The following RAB11FIP3 variants were observed in gnomAD, a reference collection of about 807,000 sequenced individuals.
The protein encoded by RAB11FIP3 is RAB11 family interacting protein 3.
RAB11FIP3 carries 17 observed loss-of-function variants against 77.8 expected under a neutral mutation model. That is an observed-to-expected ratio of 0.22 (90% CI 0.15 to 0.33). The LOEUF is 0.33. RAB11FIP3 is among the 10% of genes least tolerant of loss of function. The probability of loss-of-function intolerance (pLI) is 1.00; values close to 1 mark genes in which losing one functional copy is unlikely to be tolerated. For missense variants in RAB11FIP3, 1,005 were observed against 1,011.2 expected (o/e 0.99, Z 0.08); for synonymous variants, 437 against 448.2 (o/e 0.98, Z 0.31).
At chr16:432,371 G>C (rs1323451710) in intron 1 of RAB11FIP3, among the ~76,000 whole-genome samples, 1 of 151,906 alleles carries the variant, frequency 6.6e-6, no homozygotes, top group Admixed American at 6.6e-5. Context: ...GGGTGAAACT[G>C]TCTCGAAAAA....
chr16:432,621 A>T (rs1488882628), intron 1 of RAB11FIP3, among the ~76,000 whole-genome samples: 2 of 125,532 alleles, frequency 1.6e-5, no homozygotes, highest in African/African-American at 6.4e-5. Flanking sequence ...TGTGTGTGTG[A>T]CAGGGTCTCG....
intron 5 of RAB11FIP3, among the ~76,000 whole-genome samples, chr16:492,078 GC>G (rs1482001040): frequency 5.9e-5 from 9 of 152,228 alleles, no homozygotes; most frequent in African/African-American, 2.2e-4. Context: ...CCTGTCTTGA[GC>G]CTGCCCTGTC....
chr16:494,619 C>A (rs988279107), intron 5 of RAB11FIP3, among the ~76,000 whole-genome samples: 1 of 151,246 alleles, frequency 6.6e-6, no homozygotes, highest in Non-Finnish European at 1.5e-5. Context: ...GAGACTCCAT[C>A]TTAAAAAAAA....
At chr16:496,158 C>T (rs1240168781) in intron 5 of RAB11FIP3, among the ~76,000 whole-genome samples, 2 of 152,108 alleles carry the variant, frequency 1.3e-5, no homozygotes, top group Admixed American at 6.6e-5. Flanking sequence ...CGTGATGGTT[C>T]CCAGGCCCCA....
chr16:474,094 A>G (rs529118552), intron 3 of RAB11FIP3, among the ~76,000 whole-genome samples: 40 of 152,342 alleles, frequency 2.6e-4, no homozygotes, highest in African/African-American at 9.6e-4. Context: ...CTCTTTTAAA[A>G]AACAGCTTGC....
intron 6 of RAB11FIP3, among the ~76,000 whole-genome samples, chr16:501,607 C>T (rs2031526694): frequency 6.7e-6 from 1 of 149,436 alleles, no homozygotes; most frequent in Non-Finnish European, 1.5e-5. Flanking sequence ...AGAGGGTCCC[C>T]CCATTTCACA....
chr16:429,918 A>G (rs900472176), intron 1 of RAB11FIP3, among the ~76,000 whole-genome samples: 18 of 152,172 alleles, frequency 1.2e-4, no homozygotes, highest in Admixed American at 3.3e-4. Flanking sequence ...TAATAGAAGC[A>G]GCTCCTGTTT....
At chr16:468,552 C>T (rs1596238144) in intron 2 of RAB11FIP3, among the ~76,000 whole-genome samples, 1 of 152,098 alleles carries the variant, frequency 6.6e-6, no homozygotes, top group Non-Finnish European at 1.5e-5. Context: ...TTAGCTCCAT[C>T]GTGGCTGCAG....
At position 518,900 on chromosome 16, in the gene RAB11FIP3, C is replaced by G; in HGVS notation, c.1641-43C>G. 1.9e-6 allele frequency: 3 copies of G among 1,603,118 alleles called. No homozygotes were observed. In the South Asian group the frequency reaches 3.3e-5, roughly 18 times the overall value. On this transcript the variant is annotated intron_variant, in intron 9 of 13. Coordinates refer to ENST00000262305, the MANE Select transcript of RAB11FIP3 (RefSeq NM_014700.4). ...ACAGGGCACACTGGCCCTGTAGAGG[C>G]GAGCTTCCTGGAGTGAGTTTCAGCT... is the stretch of plus-strand genomic sequence containing the variant.
chr16:481,273 G>A (rs1194811334), intron 3 of RAB11FIP3, among the ~76,000 whole-genome samples: 1 of 151,954 alleles, frequency 6.6e-6, no homozygotes, highest in East Asian at 1.9e-4. Context: ...CACTTTGGAA[G>A]GCTGAGGTGG....
intron 7 of RAB11FIP3, 49 bp downstream of exon 7, chr16:503,146 A>T: frequency 1.4e-6 from 2 of 1,481,138 alleles, no homozygotes; most frequent in Non-Finnish European, 1.9e-6. Context: ...TTTAGAACAC[A>T]GCCACGCCTA....
rs115808809 is a variant in RAB11FIP3, at chr16:469,968, T to C, written c.809-1327T>C. Among the ~76,000 whole-genome samples, 925 of 152,200 alleles carry C rather than the reference T, an allele frequency of 6.1e-3. 9 individuals carry two copies. Among genetic ancestry groups the C allele is most frequent in the African/African-American group, 0.021 (880 of 41,522 alleles). On this transcript the variant is annotated intron_variant, in intron 2 of 13. Transcript: ENST00000262305. Reference sequence around the variant, plus strand: ...AAGACTACAGGTGTGTCCCACAATGTCCAGCTGATTTTTTTCTTTTCTTTT... The same window carrying C: ...AAGACTACAGGTGTGTCCCACAATGCCCAGCTGATTTTTTTCTTTTCTTTT...
chr16:432,005 C>T (rs1326484788), intron 1 of RAB11FIP3, among the ~76,000 whole-genome samples: 1 of 152,124 alleles, frequency 6.6e-6, no homozygotes, highest in African/African-American at 2.4e-5. Context: ...GATCCGCCCA[C>T]CTCGGCCTCC....
At chr16:518,735 T>G (rs550431848) in intron 9 of RAB11FIP3, among the ~76,000 whole-genome samples, 3 of 150,816 alleles carry the variant, frequency 2.0e-5, no homozygotes, top group Non-Finnish European at 4.4e-5. Context: ...AAGAAAAAAA[T>G]AAAAAAATAA....
intron 5 of RAB11FIP3, among the ~76,000 whole-genome samples, chr16:490,866 T>C (rs1347862415): frequency 6.6e-6 from 1 of 152,206 alleles, no homozygotes; most frequent in Non-Finnish European, 1.5e-5. Flanking sequence ...CCCTGCTTTC[T>C]TCTGGGCACC....
Position 488,910 on chromosome 16 carries a change from A to C in RAB11FIP3, c.1175A>C (p.Asp392Ala). ...ATCGGGGGCGAGGAGCACTTTGAGG[A>C]CTACGGTGAAGGCAGTGAGGCGGAG... ...TVIGGEEHFE[D>A]YGEGSEAELS... Residue 392 changes from aspartate (D) to alanine (A), a missense_variant, in exon 5 of 14, where the codon GAC (aspartate) becomes GCC (alanine). By Grantham distance (126) the Asp-to-Ala change is moderately radical. Transcript: ENST00000262305. The C allele has an allele frequency of 6.2e-7, 1 of 1,613,966 alleles. No individual in the cohort carries two copies. Among genetic ancestry groups the C allele is most frequent in the Non-Finnish European group, 8.5e-7 (1 of 1,179,974 alleles).
chr16:459,782 G>A (rs1436848577), intron 1 of RAB11FIP3, among the ~76,000 whole-genome samples: 3 of 151,380 alleles, frequency 2.0e-5, no homozygotes, highest in Non-Finnish European at 4.4e-5. Flanking sequence ...GACTAATTGA[G>A]CATTTTTTCA....
chr16:488,737 C>T, intron 4 of RAB11FIP3, 114 bp from the exon 5 acceptor site: 1 of 997,842 alleles, frequency 1.0e-6, no homozygotes. Context: ...AAACGTGGCT[C>T]CCAGGACTCA....
chr16:478,315 C>G lies in RAB11FIP3; in HGVS notation c.904-4210C>G, dbSNP rs372427395. On this transcript the variant is annotated intron_variant, in intron 3 of 13. Coordinates refer to ENST00000262305, the MANE Select transcript of RAB11FIP3 (RefSeq NM_014700.4). ...TCAAGCGATTCTCCTGTCTCAGCCCCCCGAGTAGCTGGGACTGCAGGCACG... is the reference window on the plus strand; with the variant it reads ...TCAAGCGATTCTCCTGTCTCAGCCCGCCGAGTAGCTGGGACTGCAGGCACG... 5.7e-4 allele frequency among the ~76,000 whole-genome samples: 87 copies of G among 152,196 alleles called. 1 individual carries two copies. In the South Asian group the frequency reaches 6.4e-3, roughly 11 times the overall value.
Sources: gnomAD v4.1 joint callset for allele counts (sites outside exome capture counted in the v4.1 genomes callset) on GRCh38, gnomAD v4.1.1 for gene constraint, MANE v1.5 for transcripts, NCBI Gene and HGNC (gene_info 2026-07-23, HGNC 2026-07-21) for gene names.